LRP1B: variants seen among roughly 807,000 people sequenced by gnomAD.
LRP1B encodes LDL receptor related protein 1B.
LRP1B carries 217 observed loss-of-function variants against 556.6 expected under a neutral mutation model. The ratio of observed to expected loss-of-function variants is 0.39; its 90% CI spans 0.35 to 0.44. The LOEUF (loss-of-function observed/expected upper bound fraction) is 0.44, where lower values mean the gene tolerates loss of function less well. Ranked by LOEUF, LRP1B falls within the 20% of genes least tolerant of loss-of-function variation. LRP1B has a pLI of 1.00. For synonymous variants in LRP1B, 2,047 were observed against 1,865.8 expected (o/e 1.10, Z -2.50); for missense variants, 5,053 against 5,620.8 (o/e 0.90, Z 3.23).
intron 6 of LRP1B, among the ~76,000 whole-genome samples, chr2:141,194,989 T>C (rs1681692576): frequency 6.6e-6 from 1 of 152,126 alleles, no homozygotes; most frequent in Admixed American, 6.6e-5. Context: ...ACAGTAGTTG[T>C]GATAATTTAA....
chr2:140,670,694 AT>A (rs143016092), intron 41 of LRP1B, among the ~76,000 whole-genome samples: 119,796 of 151,976 alleles, frequency 0.79, 48,154 homozygotes, highest in Non-Finnish European at 0.88. Context: ...ATACAAAAAA[AT>A]ATAAGAGCAG....
chr2:140,863,071 C>T (rs955891296), intron 27 of LRP1B, among the ~76,000 whole-genome samples: 2 of 152,110 alleles, frequency 1.3e-5, no homozygotes. Flanking sequence ...TGTTTGCCTA[C>T]AGTAGGTTGT....
rs1399121740 is a variant in LRP1B at position 140,813,764 on chromosome 2, C to G, written c.5252G>C (p.Ser1751Thr). The G allele has an allele frequency of 1.2e-6, 2 of 1,608,620 alleles. No individual in the cohort carries two copies. The highest frequency in any genetic ancestry group is 2.2e-5 in the East Asian group (1 of 44,782). The change falls in exon 32 of 91, where the codon AGT (serine) becomes ACT (threonine). Residue 1751 changes from serine (S) to threonine (T), a missense_variant. Transcript: ENST00000389484. ...TCTATTTATGGTTCCATTCCCTGAA[C>G]TGATCCAATAAAGCTTGTTTTCCAC... ...DYVENKLYWISSGNGTINRCN... is the reference protein window; with the variant it reads ...DYVENKLYWITSGNGTINRCN...
In LRP1B at chr2:141,992,921, C is replaced by T. The variant is rs555394931; in HGVS notation, c.82+137727G>A. Among the ~76,000 whole-genome samples, 31 of 152,284 alleles carry T rather than the reference C, an allele frequency of 2.0e-4. 1 individual carries two copies. The South Asian group carries it at 6.0e-3, about 30-fold the overall frequency. On this transcript the variant is annotated intron_variant, in intron 1 of 90. Transcript: ENST00000389484. ...TCACTGTAATTTCAGCAAGTACCAA[C>T]ACTGAGATCAAACCGTATGTTTTAC... is the stretch of plus-strand genomic sequence containing the variant.
chr2:140,383,257 T>C (rs1683612444), intron 67 of LRP1B, among the ~76,000 whole-genome samples: 1 of 151,876 alleles, frequency 6.6e-6, no homozygotes, highest in South Asian at 2.1e-4. Flanking sequence ...TAGGACAACA[T>C]ATACCACAGC....
chr2:140,558,253 G>A lies in LRP1B; in HGVS notation c.7195-16282C>T, dbSNP rs113962819. Among the ~76,000 whole-genome samples, 866 of 152,196 alleles carry A rather than the reference G, an allele frequency of 5.7e-3. 2 individuals carry two copies. The highest frequency in any genetic ancestry group is 8.0e-3 in the Non-Finnish European group (546 of 68,004). On this transcript the variant is annotated intron_variant, in intron 43 of 90. Coordinates refer to ENST00000389484, the MANE Select transcript of LRP1B (RefSeq NM_018557.3). The stretch of plus-strand genomic sequence containing the variant: ...AGTGTCTGTATGGCCGAACAAATCC[G>A]AGTTTACCCAAGTAAAATGAAAATA...
chr2:140,879,104 A>T (rs930348414), intron 25 of LRP1B, among the ~76,000 whole-genome samples: 1 of 152,150 alleles, frequency 6.6e-6, no homozygotes, highest in Non-Finnish European at 1.5e-5. Context: ...ATAGATGTAG[A>T]TAAGGCTGTA....
chr2:141,019,777 T>G, intron 12 of LRP1B, 145 bp downstream of exon 12: 1 of 550,304 alleles, frequency 1.8e-6, no homozygotes, highest in Non-Finnish European at 3.0e-6. Context: ...GAAAAACCCT[T>G]AAATGTGTAA....
At chr2:140,724,851 T>A (rs964082148) in intron 35 of LRP1B, among the ~76,000 whole-genome samples, 5 of 152,296 alleles carry the variant, frequency 3.3e-5, no homozygotes, top group Middle Eastern at 3.4e-3. Flanking sequence ...AACTACCAAC[T>A]TTTACTTAGA....
intron 2 of LRP1B, among the ~76,000 whole-genome samples, chr2:141,784,036 A>T (rs1695344957): frequency 6.6e-6 from 1 of 151,882 alleles, no homozygotes; most frequent in South Asian, 2.1e-4. Context: ...CAATCTCTTT[A>T]TTCAGTTCTA....
chr2:140,649,699 A>G (rs1192815308), intron 41 of LRP1B, among the ~76,000 whole-genome samples: 2 of 152,232 alleles, frequency 1.3e-5, no homozygotes, highest in African/African-American at 4.8e-5. Context: ...TATCAGAATC[A>G]CATTGGTTCC....
intron 3 of LRP1B, among the ~76,000 whole-genome samples, chr2:141,403,223 G>A (rs1459881394): frequency 6.6e-6 from 1 of 151,848 alleles, no homozygotes; most frequent in Non-Finnish European, 1.5e-5. Context: ...GTGAGCCTAA[G>A]AGTGTTTATT....
At chr2:141,992,512 G>A (rs932632276) in intron 1 of LRP1B, among the ~76,000 whole-genome samples, 11 of 152,052 alleles carry the variant, frequency 7.2e-5, no homozygotes, top group Admixed American at 1.3e-4. Context: ...ATTTTACTCC[G>A]CATTTCTGTA....
chr2:140,396,974 A>T (rs2105220450), intron 66 of LRP1B, among the ~76,000 whole-genome samples: 1 of 152,280 alleles, frequency 6.6e-6, no homozygotes, highest in East Asian at 1.9e-4. Context: ...TTTACAAGCA[A>T]ATAACAAGTA....
At chr2:141,522,156 CCCAGATCCACTGAA>C (rs1684549390) in intron 2 of LRP1B, among the ~76,000 whole-genome samples, 1 of 152,086 alleles carries the variant, frequency 6.6e-6, no homozygotes, top group Non-Finnish European at 1.5e-5. Context: ...CAGGCCCCAT[CCCAGATCCACTGAA>C]CCAGAAACTT....
At chr2:141,959,663 T>A (rs1701349757) in intron 1 of LRP1B, among the ~76,000 whole-genome samples, 1 of 151,970 alleles carries the variant, frequency 6.6e-6, no homozygotes, top group South Asian at 2.1e-4. Context: ...TTTAATAAAA[T>A]ACATTTAAAA....
At chr2:141,659,197 C>T (rs1690122567) in intron 2 of LRP1B, among the ~76,000 whole-genome samples, 1 of 152,138 alleles carries the variant, frequency 6.6e-6, no homozygotes, top group Non-Finnish European at 1.5e-5. Flanking sequence ...GCCACTGTAC[C>T]AGGCCATATG....
chr2:140,671,257 A>T (rs1203898826), intron 41 of LRP1B, among the ~76,000 whole-genome samples: 2 of 152,184 alleles, frequency 1.3e-5, no homozygotes, highest in African/African-American at 4.8e-5. Context: ...GCGGTGGCTC[A>T]CGCCTGTAAT....
intron 3 of LRP1B, among the ~76,000 whole-genome samples, chr2:141,272,397 A>G (rs1165640473): frequency 2.0e-5 from 3 of 152,192 alleles, no homozygotes; most frequent in Non-Finnish European, 2.9e-5. Flanking sequence ...ACATTAAAAA[A>G]GAAATAGAAA....
Sources: gnomAD v4.1 joint callset for allele counts (sites outside exome capture counted in the v4.1 genomes callset) on GRCh38, gnomAD v4.1.1 for gene constraint, MANE v1.5 for transcripts, NCBI Gene and HGNC (gene_info 2026-07-23, HGNC 2026-07-21) for gene names.